The following TRPS1 variants were observed in gnomAD, a reference collection of about 807,000 sequenced individuals.
TRPS1 encodes zinc finger transcription factor Trps1.
A neutral mutation model predicts 101.2 loss-of-function variants in TRPS1; 6 were observed. The observed-to-expected ratio is 0.06, with a 90% CI of 0.03 to 0.12. The LOEUF (loss-of-function observed/expected upper bound fraction) is 0.12, where lower values mean the gene tolerates loss of function less well. TRPS1 is among the 10% of genes least tolerant of loss of function. The pLI, the probability that TRPS1 is intolerant of heterozygous loss-of-function variation, is 1.00. For synonymous variants in TRPS1, 578 were observed against 589.8 expected, an observed-to-expected ratio of 0.98 and a Z score of 0.29; for missense variants, 1,363 against 1,567.0, an observed-to-expected ratio of 0.87 and a Z score of 2.20.
chr8:115,583,572 T>G (rs1203379911), intron 5 of TRPS1, among the ~76,000 whole-genome samples: 1 of 152,112 alleles, frequency 6.6e-6, no homozygotes, highest in Non-Finnish European at 1.5e-5. Flanking sequence ...CTTAGACTAT[T>G]TCTAGCAAAG....
chr8:115,539,372 T>A (rs1284766047), intron 5 of TRPS1, among the ~76,000 whole-genome samples: 1 of 152,256 alleles, frequency 6.6e-6, no homozygotes, highest in Non-Finnish European at 1.5e-5. Context: ...AGCTATCTAA[T>A]TTTTGCACCA....
intron 1 of TRPS1, among the ~76,000 whole-genome samples, chr8:115,650,146 A>G (rs982632737): frequency 1.3e-5 from 2 of 152,188 alleles, no homozygotes; most frequent in African/African-American, 2.4e-5. Flanking sequence ...AAAAACCCCT[A>G]CTTATTAACT....
Position 115,587,034 on chromosome 8 carries a change from G to A in TRPS1, c.2667C>T (p.Asn889=). The change falls in exon 5 of 7, where the codon AAC becomes AAT. Residue 889 remains asparagine, a synonymous_variant. Coordinates refer to ENST00000395715, the MANE Select transcript of TRPS1 (RefSeq NM_014112.5). ...LPQQYPASGE[N]KSKDESQSLL... Reference sequence around the variant, plus strand: ...GGGACTGGGATTCATCCTTGGACTTGTTTTCTCCCGATGCAGGATACTGCT... The same window carrying A: ...GGGACTGGGATTCATCCTTGGACTTATTTTCTCCCGATGCAGGATACTGCT... 2 of 1,614,188 alleles carry A rather than the reference G, an allele frequency of 1.2e-6. No individual in the cohort carries two copies. Among genetic ancestry groups the A allele is most frequent in the Non-Finnish European group, 1.7e-6 (2 of 1,180,020 alleles).
At chr8:115,518,746 T>C (rs1377217779) in intron 5 of TRPS1, among the ~76,000 whole-genome samples, 1 of 151,854 alleles carries the variant, frequency 6.6e-6, no homozygotes, top group Non-Finnish European at 1.5e-5. Flanking sequence ...TCCGATCACT[T>C]TAAAATAGAG....
chr8:115,439,228 G>A (rs955229067), intron 5 of TRPS1, among the ~76,000 whole-genome samples: 2 of 152,114 alleles, frequency 1.3e-5, no homozygotes, highest in Admixed American at 6.5e-5. Context: ...GAAAAGGGGC[G>A]GTATGATCTC....
At position 115,619,825 on chromosome 8, in the gene TRPS1, T is replaced by G. The variant is rs1818352119; in HGVS notation, c.273A>C (p.Ala91=). The change falls in exon 3 of 7, where the codon GCA becomes GCC. Residue 91 remains alanine, a synonymous_variant. Coordinates refer to ENST00000395715, the MANE Select transcript of TRPS1 (RefSeq NM_014112.5). ...SSSSKKDLKS[A]VLSEKAGFNY... Reference sequence around the variant, plus strand: ...TGAAGCCAGCCTTCTCACTCAGAACTGCGCTTTTCAAGTCCTTCTTACTGC... The same window carrying G: ...TGAAGCCAGCCTTCTCACTCAGAACGGCGCTTTTCAAGTCCTTCTTACTGC... 1.2e-6 allele frequency: 2 copies of G among 1,614,238 alleles called. No individual in the cohort carries two copies. Among genetic ancestry groups the G allele is most frequent in the Middle Eastern group, 1.6e-4 (1 of 6,062 alleles).
At chr8:115,423,386 A>G (rs1260363036) in intron 5 of TRPS1, among the ~76,000 whole-genome samples, 1 of 152,232 alleles carries the variant, frequency 6.6e-6, no homozygotes, top group Non-Finnish European at 1.5e-5. Flanking sequence ...CTTTTCAGTG[A>G]TAACTGGCCT....
intron 1 of TRPS1, among the ~76,000 whole-genome samples, chr8:115,665,904 G>A (rs1187583564): frequency 6.6e-6 from 1 of 152,064 alleles, no homozygotes; most frequent in Non-Finnish European, 1.5e-5. Context: ...TGGAAAAGCA[G>A]TCTACACATA....
At chr8:115,565,486 GT>G (rs199816436) in intron 5 of TRPS1, among the ~76,000 whole-genome samples, 168 of 72,822 alleles carry the variant, frequency 2.3e-3, no homozygotes, top group Middle Eastern at 0.012. Flanking sequence ...AAAATGACAG[GT>G]TTTTTTTTTT....
At chr8:115,499,321 T>A (rs1250407380) in intron 5 of TRPS1, among the ~76,000 whole-genome samples, 1 of 152,222 alleles carries the variant, frequency 6.6e-6, no homozygotes, top group Admixed American at 6.5e-5. Flanking sequence ...AATCAAAATA[T>A]TGTGCTTCTT....
chr8:115,481,402 C>T (rs1225879418), intron 5 of TRPS1, among the ~76,000 whole-genome samples: 2 of 151,844 alleles, frequency 1.3e-5, no homozygotes, highest in Non-Finnish European at 2.9e-5. Context: ...AATCAACCCC[C>T]CCCCACTCTT....
chr8:115,509,741 G>A (rs1030540555), intron 5 of TRPS1: 8 of 151,930 alleles, frequency 5.3e-5, no homozygotes, highest in South Asian at 2.1e-4. Flanking sequence ...GTGATTCTTC[G>A]TTCTTTGGAT....
chr8:115,667,741 GA>G, intron 1 of TRPS1: 2 of 1,254,132 alleles, frequency 1.6e-6, no homozygotes, highest in Non-Finnish European at 2.2e-6. Context: ...GCCTTTAAGG[GA>G]AAAAAGTTTG....
At chr8:115,525,045 A>G (rs1314894158) in intron 5 of TRPS1, among the ~76,000 whole-genome samples, 1 of 152,174 alleles carries the variant, frequency 6.6e-6, no homozygotes, top group Non-Finnish European at 1.5e-5. Flanking sequence ...TTAAAGATAA[A>G]AAATGTATTT....
intron 5 of TRPS1, among the ~76,000 whole-genome samples, chr8:115,559,571 A>G (rs1816900651): frequency 6.6e-6 from 1 of 152,224 alleles, no homozygotes; most frequent in East Asian, 1.9e-4. Flanking sequence ...AATACCCAGT[A>G]CCCAGCATAA....
At chr8:115,417,276 T>C (rs1347606753) in intron 6 of TRPS1, among the ~76,000 whole-genome samples, 2 of 152,186 alleles carry the variant, frequency 1.3e-5, no homozygotes, top group African/African-American at 4.8e-5. Flanking sequence ...GTGGAATCTT[T>C]CTACTTGCTA....
intron 5 of TRPS1, among the ~76,000 whole-genome samples, chr8:115,507,550 C>T (rs781721899): frequency 1.9e-4 from 29 of 152,014 alleles, no homozygotes; most frequent in African/African-American, 3.9e-4. Context: ...CTCATCTACA[C>T]GCAACTTTAT....
rs766238512 is a variant in TRPS1, at chr8:115,603,968, C to G, written c.2001G>C (p.Ser667=). ...TTTCCTTGACAGACTGCTGCCCATC[C>G]GATCCTTGCAGGTGATTTGCTTCTT... The part of the protein sequence containing the change: ...VKQEANHLQG[S]DGQQSVKESK... Residue 667 remains serine, a synonymous_variant, in exon 4 of 7, where the codon TCG becomes TCC. Transcript: ENST00000395715. 27 of 1,613,854 alleles carry G rather than the reference C, an allele frequency of 1.7e-5. No homozygotes were observed. Among genetic ancestry groups the G allele is most frequent in the Non-Finnish European group, 2.2e-5 (26 of 1,179,986 alleles).
chr8:115,579,781 T>G (rs1360931030), intron 5 of TRPS1, among the ~76,000 whole-genome samples: 1 of 152,100 alleles, frequency 6.6e-6, no homozygotes, highest in African/African-American at 2.4e-5. Context: ...CCAAAGTAAT[T>G]CTTCAAAATT....
Sources: gnomAD v4.1 joint callset for allele counts (sites outside exome capture counted in the v4.1 genomes callset) on GRCh38, gnomAD v4.1.1 for gene constraint, MANE v1.5 for transcripts, NCBI Gene and HGNC (gene_info 2026-07-23, HGNC 2026-07-21) for gene names.